FBF1: variants seen among roughly 807,000 people sequenced by gnomAD.
FBF1 encodes Fas binding factor 1.
FBF1 carries 119 observed loss-of-function variants against 147.2 expected under a neutral mutation model. The ratio of observed to expected loss-of-function variants is 0.81; its 90% CI spans 0.70 to 0.94. The LOEUF is 0.94. Ranked by LOEUF, FBF1 falls within the 40% of genes least tolerant of loss-of-function variation. The pLI, the probability that FBF1 is intolerant of heterozygous loss-of-function variation, is 0.00. For missense variants in FBF1, 1,449 were observed against 1,500.8 expected, an observed-to-expected ratio of 0.97 and a Z score of 0.57; for synonymous variants, 601 against 609.0, an observed-to-expected ratio of 0.99 and a Z score of 0.19.
At chr17:75,934,777 G>A (rs543907097) in intron 4 of FBF1, among the ~76,000 whole-genome samples, 22 of 151,676 alleles carry the variant, frequency 1.5e-4, no homozygotes, top group South Asian at 1.2e-3. Flanking sequence ...TACTCAGGAG[G>A]CTGAGGCAGG....
intron 10 of FBF1, 38 bp downstream of exon 10, chr17:75,926,720 C>T (rs762518220): frequency 1.3e-6 from 2 of 1,589,226 alleles, no homozygotes; most frequent in Admixed American, 1.8e-5. Context: ...CCAATAAACT[C>T]TTCCTCCAGG....
chr17:75,923,837 A>G lies in FBF1; in HGVS notation c.969-196T>C, dbSNP rs2065544450. On this transcript the variant is annotated intron_variant, in intron 13 of 29. Transcript: ENST00000636174. This position sits in a 1 kb window ranked among gnomAD's most constrained non-coding sequence, Gnocchi z 4.1. ...AACACCACGAAGTACAGAGACCTTG[A>G]CTTCCATCACATGAACCAGGGACAG... Among the ~76,000 whole-genome samples, 1 of 152,186 alleles carries G rather than the reference A, an allele frequency of 6.6e-6. No homozygotes were observed. The highest frequency in any genetic ancestry group is 1.5e-5 in the Non-Finnish European group (1 of 68,020).
In FBF1 at chr17:75,931,158, C is replaced by T; in HGVS notation, c.228+71G>A. ...CTTCTAAACCCTTCCGTGGGCAGCCCCTTGGCCACAACACCCATCTCAGTG... is the reference window on the plus strand; with the variant it reads ...CTTCTAAACCCTTCCGTGGGCAGCCTCTTGGCCACAACACCCATCTCAGTG... On this transcript the variant is annotated intron_variant, in intron 6 of 29. Coordinates refer to ENST00000636174, the MANE Select transcript of FBF1 (RefSeq NM_001319193.2). 1.5e-5 allele frequency: 22 copies of T among 1,502,654 alleles called. No individual in the cohort carries two copies. In the South Asian group the frequency reaches 2.7e-4, roughly 18 times the overall value. 93.1% of individuals were successfully genotyped at this position (1,502,654 alleles called of 1,614,324 possible). A position where few individuals can be genotyped will look rare whatever the true frequency, so the allele number is the denominator to read the frequency against.
chr17:75,914,778 TG>T lies in FBF1; in HGVS notation c.2782del (p.Gln928SerfsTer16). ...CAGGCTGATGAGGGTGCCCTCCCGCTGGGTGTCCACCTGCAATGCCCGCTCG... is the reference window on the plus strand; with the variant it reads ...CAGGCTGATGAGGGTGCCCTCCCGCTGGTGTCCACCTGCAATGCCCGCTCG... ...EAERALQVDTQREGTLISLAK... is the reference protein window; with the variant it reads ...EAERALQVDTXREGTLISLAK... On this transcript the variant is annotated frameshift_variant, in exon 25 of 30. Transcript: ENST00000636174. LOFTEE classifies it high-confidence loss of function. The T allele has an allele frequency of 6.3e-7, 1 of 1,592,214 alleles. No homozygotes were observed. Among genetic ancestry groups the T allele is most frequent in the South Asian group, 1.1e-5 (1 of 88,148 alleles).
intron 3 of FBF1, among the ~76,000 whole-genome samples, chr17:75,936,941 T>C (rs1319264243): frequency 6.6e-6 from 1 of 152,158 alleles, no homozygotes; most frequent in Admixed American, 6.6e-5. Flanking sequence ...CACTTTCTGA[T>C]GGAGGCATGT....
chr17:75,921,163 G>C, intron 17 of FBF1, 81 bp downstream of exon 17: 1 of 1,427,198 alleles, frequency 7.0e-7, no homozygotes, highest in Non-Finnish European at 9.6e-7. Context: ...CAGGTCGTCA[G>C]GTCAAACTGT....
At position 75,920,428 on chromosome 17, in the gene FBF1, G is replaced by C. The variant is rs1276190565; in HGVS notation, c.1676C>G (p.Pro559Arg). Residue 559 changes from proline to arginine, a missense_variant and splice_region_variant, in exon 18 of 30, where the codon CCC becomes CGC. Coordinates refer to ENST00000636174, the MANE Select transcript of FBF1 (RefSeq NM_001319193.2). Reference sequence around the variant, plus strand: ...CCGGGCCAGGGACTCTGGGAGCAGGGGCTGGAGGAGAGGAAGAGAGGTGTT... The same window carrying C: ...CCGGGCCAGGGACTCTGGGAGCAGGCGCTGGAGGAGAGGAAGAGAGGTGTT... ...KPTEPSVPVQPLLPESLARSL... is the reference protein window; with the variant it reads ...KPTEPSVPVQRLLPESLARSL... 1 of 1,605,026 alleles carries C rather than the reference G, an allele frequency of 6.2e-7. No homozygotes were observed. The highest frequency in any genetic ancestry group is 8.5e-7 in the Non-Finnish European group (1 of 1,176,314).
At chr17:75,927,001 G>A (rs2065566185) in intron 9 of FBF1, 124 bp from the exon 10 acceptor site, 5 of 1,332,224 alleles carry the variant, frequency 3.8e-6, no homozygotes, top group African/African-American at 2.9e-5. Flanking sequence ...CAAGCCCCCT[G>A]GCATCTGGAG....
At chr17:75,937,341 T>C (rs1279981563) in intron 3 of FBF1, among the ~76,000 whole-genome samples, 1 of 151,992 alleles carries the variant, frequency 6.6e-6, no homozygotes, top group Non-Finnish European at 1.5e-5. Flanking sequence ...CGGCTAATTT[T>C]TTGTATTTTT....
At position 75,919,511 on chromosome 17, in the gene FBF1, T is replaced by C. The variant is rs1329272276; in HGVS notation, c.2138+157A>G. Reference sequence around the variant, plus strand: ...CCCACCCATGGGTGTGATGGGTCAGTGTGCTCAGCCCTCAGTCCTCACTCA... The same window carrying C: ...CCCACCCATGGGTGTGATGGGTCAGCGTGCTCAGCCCTCAGTCCTCACTCA... On this transcript the variant is annotated intron_variant, in intron 20 of 29. Coordinates refer to ENST00000636174, the MANE Select transcript of FBF1 (RefSeq NM_001319193.2). This position sits in a 1 kb window ranked among gnomAD's most constrained non-coding sequence, Gnocchi z 5.0. Among the ~76,000 whole-genome samples the C allele has an allele frequency of 6.6e-6, 1 of 152,150 alleles. No homozygotes were observed. Among genetic ancestry groups the C allele is most frequent in the African/African-American group, 2.4e-5 (1 of 41,448 alleles).
chr17:75,912,661 A>T (rs891551214), intron 28 of FBF1, among the ~76,000 whole-genome samples: 5 of 152,222 alleles, frequency 3.3e-5, no homozygotes, highest in Admixed American at 3.3e-4. Flanking sequence ...TTAATGACTG[A>T]TCTGAAAACC....
In FBF1 at chr17:75,930,236, A is replaced by T. The variant is rs1427175049; in HGVS notation, c.229-189T>A. ...TTGGGCTTGGCAGTTGTTTGAAGCC[A>T]AACCTGCCTGGTTTTAGAGACTCAG... is the stretch of plus-strand genomic sequence containing the variant. On this transcript the variant is annotated intron_variant, in intron 6 of 29. Transcript: ENST00000636174. The T allele has an allele frequency of 6.8e-6, 4 of 591,974 alleles. No individual in the cohort carries two copies. In the African/African-American group the frequency reaches 7.4e-5, roughly 11 times the overall value. The allele number at this position is 591,974 out of a possible 1,614,324, so 36.7% of individuals were successfully genotyped here.
intron 7 of FBF1, 52 bp downstream of exon 7, chr17:75,929,945 A>AGGGGGCCCCCCCCCC: frequency 6.1e-6 from 4 of 650,864 alleles, no homozygotes; most frequent in East Asian, 2.8e-5. Flanking sequence ...AAATATCATG[A>AGGGGGCCCCCCCCCC]CCCCACCCCA....
At chr17:75,940,741 G>GC (rs2065658646) in intron 1 of FBF1, 107 bp downstream of exon 1, 2 of 153,864 alleles carry the variant, frequency 1.3e-5, no homozygotes, top group Admixed American at 1.3e-4. Context: ...CATGTATTCA[G>GC]CCGACTCCAT....
At position 75,914,699 on chromosome 17, in the gene FBF1, G is replaced by C. The variant is rs577743025; in HGVS notation, c.2814+48C>G. ...GAAGCGGATGTGTCCAGATGGAGGGGCGCAGGCAACCCTGGGCCCTCCACT... is the reference window on the plus strand; with the variant it reads ...GAAGCGGATGTGTCCAGATGGAGGGCCGCAGGCAACCCTGGGCCCTCCACT... On this transcript the variant is annotated intron_variant, in intron 25 of 29. Transcript: ENST00000636174. The C allele has an allele frequency of 9.5e-6, 14 of 1,472,402 alleles. No individual in the cohort carries two copies. In the African/African-American group the frequency reaches 1.7e-4, roughly 18 times the overall value. The allele number at this position is 1,472,402 out of a possible 1,614,324, so 91.2% of individuals were successfully genotyped here. A position where few individuals can be genotyped will look rare whatever the true frequency, so the allele number is the denominator to read the frequency against.
Position 75,914,845 on chromosome 17 carries a change from C to A in FBF1, c.2716G>T (p.Ala906Ser), listed in dbSNP as rs1449423056. ...RLAAEWAEFS[A>S]QQKLSKERAE... is the part of the protein sequence containing the mutation. ...CGCTCCTTACTCAGCTTTTGCTGCG[C>A]GGAGAACTCCGCCCACTCGGCAGCC... is the stretch of plus-strand genomic sequence containing the variant. The change falls in exon 25 of 30, where the codon GCG becomes TCG. Residue 906 changes from alanine to serine, a missense_variant. Coordinates refer to ENST00000636174, the MANE Select transcript of FBF1 (RefSeq NM_001319193.2). 6.2e-7 allele frequency: 1 copy of A among 1,610,140 alleles called. No homozygotes were observed. The highest frequency in any genetic ancestry group is 2.2e-5 in the East Asian group (1 of 44,822).
intron 1 of FBF1, among the ~76,000 whole-genome samples, chr17:75,939,295 CAAAAAA>C (rs56272719): frequency 1.1e-4 from 9 of 83,008 alleles, no homozygotes; most frequent in Admixed American, 4.1e-4. Flanking sequence ...ACTCTGTCTC[CAAAAAA>C]AAAAAAAAAA....
In FBF1 at chr17:75,917,857, G is replaced by A; in HGVS notation, c.2387-7C>T. The stretch of plus-strand genomic sequence containing the variant: ...CCCAGCCGCTCCTGCAGTGCTGGGG[G>A]CAACCCACAGGGTGCTCAGCAGCTG... On this transcript the variant is annotated splice_polypyrimidine_tract_variant and splice_region_variant and intron_variant, in intron 22 of 29. Coordinates refer to ENST00000636174, the MANE Select transcript of FBF1 (RefSeq NM_001319193.2). 1 of 1,596,398 alleles carries A rather than the reference G, an allele frequency of 6.3e-7. No homozygotes were observed. The highest frequency in any genetic ancestry group is 8.5e-7 in the Non-Finnish European group (1 of 1,173,990).
At position 75,919,704 on chromosome 17, in the gene FBF1, T is replaced by C. The variant is rs1418812229; in HGVS notation, c.2102A>G (p.Lys701Arg). The stretch of plus-strand genomic sequence containing the variant: ...CCGGAGCCGCTCCATTTCCTGGTCC[T>C]TCTCCTGCGCTATGGCCGCCAAGCG... ...QRRLAAIAQE[K>R]DQEMERLREL... The change falls in exon 20 of 30, where the codon AAG becomes AGG. Residue 701 changes from lysine to arginine, a missense_variant. Coordinates refer to ENST00000636174, the MANE Select transcript of FBF1 (RefSeq NM_001319193.2). The surrounding 1 kb of genome is among the most constrained non-coding windows in gnomAD (Gnocchi z 5.0). 8.1e-6 allele frequency: 13 copies of C among 1,611,956 alleles called. No homozygotes were observed. Among genetic ancestry groups the C allele is most frequent in the Non-Finnish European group, 1.1e-5 (13 of 1,179,500 alleles).
Sources: allele counts gnomAD v4.1 joint callset (sites outside exome capture counted in the v4.1 genomes callset), GRCh38; gene constraint gnomAD v4.1.1; non-coding constraint Gnocchi (gnomAD v3.1); transcripts MANE v1.5; gene names NCBI Gene and HGNC (gene_info 2026-07-23, HGNC 2026-07-21).